ZNF624: variants seen among roughly 807,000 people sequenced by gnomAD.
ZNF624 encodes the protein zinc finger protein 624.
ZNF624 carries 43 observed loss-of-function variants against 74.7 expected under a neutral mutation model. The observed-to-expected ratio is 0.58, with a 90% CI of 0.45 to 0.74. ZNF624 has a LOEUF of 0.74. ZNF624 is among the 30% of genes least tolerant of loss of function. ZNF624 has a pLI of 0.00. For synonymous variants in ZNF624, 331 were observed against 341.3 expected, an observed-to-expected ratio of 0.97 and a Z score of 0.33; for missense variants, 820 against 1,030.0, an observed-to-expected ratio of 0.80 and a Z score of 2.79.
At chr17:16,647,177 G>A (rs911034313) in intron 3 of ZNF624, 152 bp downstream of exon 3, 6 of 676,596 alleles carry the variant, frequency 8.9e-6, no homozygotes, top group African/African-American at 3.6e-5. Flanking sequence ...TGAGAGAAAT[G>A]AAATCTGTTA....
intron 5 of ZNF624, among the ~76,000 whole-genome samples, chr17:16,626,459 A>T (rs905928801): frequency 1.3e-5 from 2 of 152,220 alleles, no homozygotes; most frequent in African/African-American, 4.8e-5. Context: ...GCTCTCAGAA[A>T]AAAAGCTATA....
chr17:16,622,744 A>G lies in ZNF624; in HGVS notation c.2142T>C (p.His714=). ...GTTTCTCTCCAGTATGTGTTCTTTGATGTGTATTAAAGCCTGAGTTACTTG... is the reference window on the plus strand; with the variant it reads ...GTTTCTCTCCAGTATGTGTTCTTTGGTGTGTATTAAAGCCTGAGTTACTTG... The part of the protein sequence containing the change: ...VFTSNSGFNT[H]QRTHTGEKPF... The change falls in exon 6 of 6, where the codon CAT becomes CAC. Residue 714 remains histidine, a synonymous_variant. Coordinates refer to ENST00000311331, the MANE Select transcript of ZNF624 (RefSeq NM_020787.4). 1 of 1,613,650 alleles carries G rather than the reference A, an allele frequency of 6.2e-7. No homozygotes were observed. The highest frequency in any genetic ancestry group is 8.5e-7 in the Non-Finnish European group (1 of 1,179,980).
chr17:16,619,054 C>T (rs973146566), downstream of ZNF624, among the ~76,000 whole-genome samples: 3 of 152,066 alleles, frequency 2.0e-5, no homozygotes, highest in Non-Finnish European at 2.9e-5. Flanking sequence ...AAGCATACAA[C>T]GAGACATAGT....
intron 2 of ZNF624, among the ~76,000 whole-genome samples, chr17:16,648,111 A>G (rs1193051166): frequency 6.9e-6 from 1 of 144,326 alleles, no homozygotes; most frequent in Non-Finnish European, 1.5e-5. Flanking sequence ...AATTTTTTGT[A>G]CTCTTTTTTT....
At chr17:16,626,185 AAGTGATCC>A (rs2142578289) in intron 5 of ZNF624, among the ~76,000 whole-genome samples, 1 of 152,320 alleles carries the variant, frequency 6.6e-6, no homozygotes, top group Non-Finnish European at 1.5e-5. Context: ...TCCTGGCCTC[AAGTGATCC>A]ACCCTCCTCG....
At chr17:16,638,918 C>A (rs1419137388) in intron 3 of ZNF624, among the ~76,000 whole-genome samples, 1 of 152,172 alleles carries the variant, frequency 6.6e-6, no homozygotes, top group Admixed American at 6.6e-5. Context: ...ACTCTCCCCA[C>A]TTCTGTGAGT....
chr17:16,630,319 G>A (rs1226568915), intron 5 of ZNF624, among the ~76,000 whole-genome samples: 1 of 151,046 alleles, frequency 6.6e-6, no homozygotes, highest in Non-Finnish European at 1.5e-5. Context: ...CGCTTTGGGA[G>A]GCCGAGGTGG....
chr17:16,616,714 C>T, downstream of ZNF624: 2 of 514,072 alleles, frequency 3.9e-6, no homozygotes, highest in East Asian at 3.2e-5. Context: ...AATTTGGCCA[C>T]ATATCAAATT....
intron 3 of ZNF624, among the ~76,000 whole-genome samples, chr17:16,635,232 A>C (rs1228271032): frequency 4.6e-5 from 7 of 152,176 alleles, no homozygotes. Flanking sequence ...TATTGTGGAT[A>C]TAGAATATTA....
At chr17:16,616,729 T>C (rs1471699326), downstream of ZNF624, 4 of 586,164 alleles carry the variant, frequency 6.8e-6, no homozygotes, top group Non-Finnish European at 1.1e-5. Flanking sequence ...CAAATTTCTG[T>C]GTGCCCCTGT....
At chr17:16,631,087 T>C (rs375782756) in intron 5 of ZNF624, among the ~76,000 whole-genome samples, 21 of 151,382 alleles carry the variant, frequency 1.4e-4, no homozygotes, top group African/African-American at 4.9e-4. Flanking sequence ...TGTCTGACCA[T>C]AGTAGAATTA....
At chr17:16,624,924 T>C in intron 5 of ZNF624, 1 of 160,580 alleles carries the variant, frequency 6.2e-6, no homozygotes, top group African/African-American at 2.5e-5. Flanking sequence ...GTAGTCCCAG[T>C]TATTTGTGAG....
intron 5 of ZNF624, among the ~76,000 whole-genome samples, chr17:16,627,521 A>T (rs1909101557): frequency 6.6e-6 from 1 of 152,176 alleles, no homozygotes; most frequent in African/African-American, 2.4e-5. Context: ...TACAAGGAGA[A>T]GAATGAAACC....
At chr17:16,628,318 A>T (rs1470154217) in intron 5 of ZNF624, among the ~76,000 whole-genome samples, 1 of 152,158 alleles carries the variant, frequency 6.6e-6, no homozygotes, top group East Asian at 1.9e-4. Context: ...ATGGGAAAAA[A>T]ATCAAGAGAG....
rs1040692465 is a variant in ZNF624 at position 16,621,616 on chromosome 17, A to G, written c.*672T>C. 1 of 152,168 alleles carries G rather than the reference A, an allele frequency of 6.6e-6. No individual in the cohort carries two copies. Among genetic ancestry groups the G allele is most frequent in the Non-Finnish European group, 1.5e-5 (1 of 68,030 alleles). The allele number at this position is 152,168 out of a possible 1,614,324, so 9.4% of individuals were successfully genotyped here. Reference sequence around the variant, plus strand: ...CATCTCACTGAGCATTTCAATTTGCATTTCCCTGAGTGCTTTTTAGGTTCA... The same window carrying G: ...CATCTCACTGAGCATTTCAATTTGCGTTTCCCTGAGTGCTTTTTAGGTTCA... On this transcript the variant is annotated 3_prime_UTR_variant, in exon 6 of 6. Coordinates refer to ENST00000311331, the MANE Select transcript of ZNF624 (RefSeq NM_020787.4).
intron 3 of ZNF624, among the ~76,000 whole-genome samples, chr17:16,636,927 G>A (rs1157359349): frequency 6.6e-6 from 1 of 152,180 alleles, no homozygotes; most frequent in Admixed American, 6.5e-5. Flanking sequence ...TTTTCAAAGG[G>A]AATGTTTCCA....
intron 3 of ZNF624, among the ~76,000 whole-genome samples, chr17:16,638,918 C>G (rs1419137388): frequency 6.6e-6 from 1 of 152,172 alleles, no homozygotes; most frequent in Non-Finnish European, 1.5e-5. Flanking sequence ...ACTCTCCCCA[C>G]TTCTGTGAGT....
rs1002208581 is a variant in ZNF624, at chr17:16,653,825, A to G, written c.-64T>C. On this transcript the variant is annotated 5_prime_UTR_variant, in exon 1 of 6. Coordinates refer to ENST00000311331, the MANE Select transcript of ZNF624 (RefSeq NM_020787.4). ...AGAGCAGGGCGGGAACGCTTCCAGC[A>G]ATGGCGGCGGCTCGGCGGTGCCGGC... 2 of 152,802 alleles carry G rather than the reference A, an allele frequency of 1.3e-5. No homozygotes were observed. The highest frequency in any genetic ancestry group is 4.8e-5 in the African/African-American group (2 of 41,470). 9.5% of individuals were successfully genotyped at this position (152,802 alleles called of 1,614,324 possible). A position where few individuals can be genotyped will look rare whatever the true frequency, so the allele number is the denominator to read the frequency against.
chr17:16,616,296 C>T (rs1235604902), downstream of ZNF624, among the ~76,000 whole-genome samples: 10 of 151,952 alleles, frequency 6.6e-5, no homozygotes, highest in East Asian at 3.8e-4. Flanking sequence ...GTAGAATTTA[C>T]GTTGTTTCCA....
Sources: allele counts gnomAD v4.1 joint callset (sites outside exome capture counted in the v4.1 genomes callset), GRCh38; gene constraint gnomAD v4.1.1; transcripts MANE v1.5; gene names NCBI Gene and HGNC (gene_info 2026-07-23, HGNC 2026-07-21).